PCDHAC1: variants seen among roughly 807,000 people sequenced by gnomAD.
PCDHAC1 encodes protocadherin alpha subfamily C, 1.
Under a neutral mutation model 60.0 loss-of-function variants are expected in PCDHAC1, and 42 were observed. The observed-to-expected ratio is 0.70, with a 90% CI of 0.55 to 0.90. The LOEUF (loss-of-function observed/expected upper bound fraction) is 0.90, where lower values mean the gene tolerates loss of function less well. PCDHAC1 is among the 40% of genes least tolerant of loss of function. The probability of loss-of-function intolerance (pLI) is 0.00; values close to 1 mark genes in which losing one functional copy is unlikely to be tolerated. For synonymous variants in PCDHAC1, 468 were observed against 499.3 expected, an observed-to-expected ratio of 0.94 and a Z score of 0.84; for missense variants, 1,160 against 1,222.3, an observed-to-expected ratio of 0.95 and a Z score of 0.76.
chr5:141,010,255 C>T lies in PCDHAC1; in HGVS notation c.*318C>T. The T allele has an allele frequency of 6.4e-7, 1 of 1,551,816 alleles. No homozygotes were observed. Among genetic ancestry groups the T allele is most frequent in the Non-Finnish European group, 8.7e-7 (1 of 1,147,020 alleles). ...CCAGTGAGAGGTTGGACTCTCTGCC[C>T]TGTGCTCCGGGGATCCTGTCTTGAT... is the stretch of plus-strand genomic sequence containing the variant. On this transcript the variant is annotated 3_prime_UTR_variant, in exon 4 of 4. Coordinates refer to ENST00000253807, the MANE Select transcript of PCDHAC1 (RefSeq NM_018898.5).
intron 1 of PCDHAC1, among the ~76,000 whole-genome samples, chr5:140,952,242 C>A (rs1469286013): frequency 6.6e-6 from 1 of 151,750 alleles, no homozygotes; most frequent in Admixed American, 6.6e-5. Flanking sequence ...CTGCTTAGAA[C>A]TGCTGGTGGA....
intron 1 of PCDHAC1, among the ~76,000 whole-genome samples, chr5:140,934,797 T>G (rs1045887352): frequency 2.4e-4 from 36 of 152,236 alleles, no homozygotes; most frequent in Admixed American, 1.4e-3. Context: ...CAATTATCTT[T>G]TTAATGATCA....
chr5:141,004,883 A>T (rs1273215928), intron 3 of PCDHAC1, among the ~76,000 whole-genome samples: 4 of 152,132 alleles, frequency 2.6e-5, no homozygotes, highest in Admixed American at 2.0e-4. Flanking sequence ...CTAAAGTGCT[A>T]TTGTGTCAGC....
intron 3 of PCDHAC1, among the ~76,000 whole-genome samples, chr5:140,997,092 A>C (rs2097758868): frequency 6.6e-6 from 1 of 152,160 alleles, no homozygotes; most frequent in South Asian, 2.1e-4. Flanking sequence ...GAAAGTGCAG[A>C]GTTCTCATGC....
At chr5:141,001,822 TGACAGAGAGGGA>T (rs541215764) in intron 3 of PCDHAC1, among the ~76,000 whole-genome samples, 203 of 152,310 alleles carry the variant, frequency 1.3e-3, no homozygotes, top group African/African-American at 4.5e-3. Context: ...GGCCAAATTC[TGACAGAGAGGGA>T]GACAGAGAGA....
chr5:141,005,691 A>G (rs1481537036), intron 3 of PCDHAC1, among the ~76,000 whole-genome samples: 1 of 134,408 alleles, frequency 7.4e-6, no homozygotes, highest in Non-Finnish European at 1.6e-5. Flanking sequence ...GACAGAGCGA[A>G]ACTCCGTCTC....
intron 3 of PCDHAC1, among the ~76,000 whole-genome samples, chr5:140,991,017 C>G (rs1440489095): frequency 6.6e-6 from 1 of 152,178 alleles, no homozygotes; most frequent in Non-Finnish European, 1.5e-5. Context: ...GTGATAAGCA[C>G]TTTACATATG....
intron 1 of PCDHAC1, among the ~76,000 whole-genome samples, chr5:140,931,986 C>G (rs562622204): frequency 2.0e-4 from 30 of 151,912 alleles, no homozygotes; most frequent in African/African-American, 7.0e-4. Flanking sequence ...ATATTTTGCT[C>G]AAATTCTAAG....
At chr5:140,966,777 C>T (rs1554228636) in intron 1 of PCDHAC1, 2 of 1,510,822 alleles carry the variant, frequency 1.3e-6, no homozygotes, top group Non-Finnish European at 1.8e-6. Context: ...ATGGAGCAGG[C>T]GGGCACCAGA....
intron 1 of PCDHAC1, among the ~76,000 whole-genome samples, chr5:140,978,222 G>C (rs997273847): frequency 6.6e-6 from 1 of 152,180 alleles, no homozygotes; most frequent in South Asian, 2.1e-4. Flanking sequence ...AATGTATCAG[G>C]TTTTTCTTGG....
At chr5:140,954,356 CCA>C (rs1251664193) in intron 1 of PCDHAC1, among the ~76,000 whole-genome samples, 1 of 152,152 alleles carries the variant, frequency 6.6e-6, no homozygotes, top group Non-Finnish European at 1.5e-5. Flanking sequence ...TGAGGAATCG[CCA>C]CACAGTCTCC....
chr5:140,988,818 CCAAA>C (rs1193685505), intron 3 of PCDHAC1: 2 of 152,060 alleles, frequency 1.3e-5, no homozygotes, highest in Non-Finnish European at 2.9e-5. Flanking sequence ...AACAGTAGCC[CCAAA>C]CAGAGATCAC....
At chr5:140,943,376 C>G (rs2093486935) in intron 1 of PCDHAC1, among the ~76,000 whole-genome samples, 1 of 150,084 alleles carries the variant, frequency 6.7e-6, no homozygotes, top group Non-Finnish European at 1.5e-5. Flanking sequence ...TTAAAATATA[C>G]AGGTAAGAAA....
intron 1 of PCDHAC1, chr5:140,966,455 C>T (rs376758355): frequency 4.7e-6 from 2 of 426,810 alleles, no homozygotes; most frequent in East Asian, 3.5e-5. Flanking sequence ...CCCCCTCCCC[C>T]TCTGTCTTCC....
At chr5:140,967,473 C>G in intron 1 of PCDHAC1, 1 of 1,613,362 alleles carries the variant, frequency 6.2e-7, no homozygotes, top group Admixed American at 1.7e-5. Context: ...GGCATCCCAG[C>G]CCGCTCGGGT....
intron 1 of PCDHAC1, among the ~76,000 whole-genome samples, chr5:140,942,138 T>C (rs1269073266): frequency 1.3e-5 from 2 of 152,240 alleles, no homozygotes; most frequent in African/African-American, 4.8e-5. Flanking sequence ...TTTGTGGCTT[T>C]ACTTGACATA....
At chr5:140,994,236 A>G (rs1222556974) in intron 3 of PCDHAC1, among the ~76,000 whole-genome samples, 3 of 152,170 alleles carry the variant, frequency 2.0e-5, no homozygotes, top group African/African-American at 4.8e-5. Context: ...GTTATAATCA[A>G]TTCAAACCCT....
chr5:140,933,780 T>G (rs1404194841), intron 1 of PCDHAC1, among the ~76,000 whole-genome samples: 2 of 152,124 alleles, frequency 1.3e-5, no homozygotes, highest in Non-Finnish European at 2.9e-5. Flanking sequence ...TACAGTTTTC[T>G]TTGTAGGAAA....
intron 3 of PCDHAC1, among the ~76,000 whole-genome samples, chr5:140,986,316 C>T (rs1407067646): frequency 2.0e-5 from 3 of 152,146 alleles, no homozygotes; most frequent in African/African-American, 7.2e-5. Context: ...TTAGCTAAAT[C>T]AGGAATGCAG....
Sources: gnomAD v4.1 joint callset for allele counts (sites outside exome capture counted in the v4.1 genomes callset) on GRCh38, gnomAD v4.1.1 for gene constraint, MANE v1.5 for transcripts, NCBI Gene and HGNC (gene_info 2026-07-23, HGNC 2026-07-21) for gene names.